Variants in OOSP1 observed in about 807,000 individuals in gnomAD.
The protein encoded by OOSP1 is oocyte secreted protein 1.
OOSP1 carries 11 observed loss-of-function variants against 5.7 expected under a neutral mutation model. That is an observed-to-expected ratio of 1.94 (90% CI 1.22 to 3.20). OOSP1 has a LOEUF of 3.20. Among genes scored for constraint, OOSP1 ranks in the 30% most tolerant of loss-of-function variants. The pLI, the probability that OOSP1 is intolerant of heterozygous loss-of-function variation, is 0.00. For synonymous variants in OOSP1, 44 were observed against 20.0 expected (o/e 2.20, Z -3.20); for missense variants, 83 against 54.1 (o/e 1.53, Z -1.67).
At chr11:59,947,224 T>C (rs189271931) in intron 3 of OOSP1, among the ~76,000 whole-genome samples, 1 of 152,284 alleles carries the variant, frequency 6.6e-6, no homozygotes, top group East Asian at 1.9e-4. Flanking sequence ...ACCATATGCC[T>C]ACACTGTGCT....
chr11:59,945,450 G>A (rs1465439748), intron 3 of OOSP1, 184 bp downstream of exon 3: 1 of 652,536 alleles, frequency 1.5e-6, no homozygotes, highest in Non-Finnish European at 2.8e-6. Context: ...TTGCTATAAA[G>A]AGAAATGCTG....
At chr11:59,946,826 CT>C (rs1167179198) in intron 3 of OOSP1, among the ~76,000 whole-genome samples, 6,261 of 128,872 alleles carry the variant, frequency 0.049, 210 homozygotes, top group African/African-American at 0.1. Flanking sequence ...AAGATTGGGT[CT>C]TTTTTTTTTT....
intron 1 of OOSP1, among the ~76,000 whole-genome samples, 153 bp downstream of exon 1, chr11:59,938,683 C>T (rs1853796081): frequency 6.6e-6 from 1 of 152,134 alleles, no homozygotes; most frequent in Non-Finnish European, 1.5e-5. Context: ...TCTTGAGATA[C>T]CATGTTTTTC....
intron 1 of OOSP1, among the ~76,000 whole-genome samples, chr11:59,940,615 A>G (rs540839431): frequency 5.6e-4 from 86 of 152,294 alleles, no homozygotes; most frequent in South Asian, 1.2e-3. Flanking sequence ...TTCTGTTCTC[A>G]CATTGATAGA....
intron 3 of OOSP1, among the ~76,000 whole-genome samples, chr11:59,945,587 A>C (rs78877155): frequency 4.8e-4 from 60 of 125,208 alleles, no homozygotes; most frequent in Middle Eastern, 3.8e-3. Context: ...TAAAAATACC[A>C]AAAAAAAAAA....
intron 4 of OOSP1, among the ~76,000 whole-genome samples, chr11:59,949,730 G>C (rs929770367): frequency 1.3e-5 from 2 of 152,192 alleles, no homozygotes; most frequent in African/African-American, 2.4e-5. Context: ...AAATGGAGGA[G>C]TGACATGATC....
intron 4 of OOSP1, among the ~76,000 whole-genome samples, chr11:59,953,840 T>C (rs187408854): frequency 3.0e-4 from 46 of 152,338 alleles, no homozygotes; most frequent in African/African-American, 1.1e-3. Flanking sequence ...CTCTTAAGCA[T>C]ATTGAGCTCT....
intron 4 of OOSP1, chr11:59,948,874 AT>A: frequency 2.5e-6 from 1 of 397,284 alleles, no homozygotes; most frequent in Non-Finnish European, 4.4e-6. Context: ...CAGGAAGGGG[AT>A]TTAATGCTCT....
At chr11:59,946,405 C>T (rs1023198511) in intron 3 of OOSP1, among the ~76,000 whole-genome samples, 2 of 152,212 alleles carry the variant, frequency 1.3e-5, no homozygotes, top group Admixed American at 1.3e-4. Flanking sequence ...ACCTCCGTGA[C>T]CCCATCACCT....
chr11:59,943,457 T>C (rs1853851890), intron 2 of OOSP1, among the ~76,000 whole-genome samples: 1 of 152,202 alleles, frequency 6.6e-6, no homozygotes, highest in South Asian at 2.1e-4. Context: ...GCTAGACTCT[T>C]TAATGATCAC....
At chr11:59,941,380 T>C (rs944665459) in intron 1 of OOSP1, among the ~76,000 whole-genome samples, 1 of 151,982 alleles carries the variant, frequency 6.6e-6, no homozygotes, top group Non-Finnish European at 1.5e-5. Context: ...TTAGCATTTA[T>C]GTACTTTTTT....
chr11:59,956,734 T>C (rs1853997271), intron 4 of OOSP1, among the ~76,000 whole-genome samples: 2 of 152,058 alleles, frequency 1.3e-5, no homozygotes, highest in Admixed American at 1.3e-4. Flanking sequence ...GTCCCCAGAG[T>C]CCACTGTATC....
intron 1 of OOSP1, among the ~76,000 whole-genome samples, chr11:59,939,081 AG>A (rs1853799149): frequency 6.6e-6 from 1 of 152,170 alleles, no homozygotes. Context: ...AATGATTGGT[AG>A]CCCTGAGTAT....
chr11:59,950,663 G>A (rs185626624), intron 4 of OOSP1, among the ~76,000 whole-genome samples: 83 of 152,298 alleles, frequency 5.4e-4, no homozygotes, highest in African/African-American at 2.0e-3. Context: ...CCAGCAATGT[G>A]AGGGGCATTG....
chr11:59,942,743 AGT>A (rs765028636), intron 1 of OOSP1, 102 bp from the exon 2 acceptor site: 26 of 600,048 alleles, frequency 4.3e-5, no homozygotes, highest in Non-Finnish European at 6.5e-5. Context: ...ATTTTGTTTT[AGT>A]AAGGGATGAT....
At chr11:59,947,611 G>A (rs1255651260) in intron 3 of OOSP1, 122 bp from the exon 4 acceptor site, 16 of 393,494 alleles carry the variant, frequency 4.1e-5, no homozygotes, top group Non-Finnish European at 6.7e-5. Context: ...GTGGTGGCGG[G>A]AAGCAGAAAT....
At chr11:59,939,726 CTTCTTTTTCTCTTTT>C (rs1007766649) in intron 1 of OOSP1, among the ~76,000 whole-genome samples, 13 of 150,674 alleles carry the variant, frequency 8.6e-5, no homozygotes, top group Admixed American at 2.7e-4. Flanking sequence ...TTCTCTTTCT[CTTCTTTTTCTCTTTT>C]TTCTTTTTCT....
At chr11:59,951,493 G>A (rs563134772) in intron 4 of OOSP1, among the ~76,000 whole-genome samples, 19 of 152,140 alleles carry the variant, frequency 1.2e-4, no homozygotes, top group Admixed American at 1.3e-4. Flanking sequence ...ACGAGGCAGC[G>A]GGTGGGCTTC....
At chr11:59,948,297 A>G (rs1853907518) in intron 4 of OOSP1, among the ~76,000 whole-genome samples, 1 of 152,206 alleles carries the variant, frequency 6.6e-6, no homozygotes, top group Non-Finnish European at 1.5e-5. Context: ...AGGAAGTACC[A>G]AATGACTGTA....
Sources: allele counts gnomAD v4.1 joint callset (sites outside exome capture counted in the v4.1 genomes callset), GRCh38; gene constraint gnomAD v4.1.1; transcripts MANE v1.5; gene names NCBI Gene and HGNC (gene_info 2026-07-23, HGNC 2026-07-21).